STK25: variants seen among roughly 807,000 people sequenced by gnomAD.
STK25 encodes the protein serine/threonine-protein kinase 25.
In STK25, 29 loss-of-function variants were observed where a neutral mutation model predicts 53.8. The ratio of observed to expected loss-of-function variants is 0.54; its 90% CI spans 0.40 to 0.74. The LOEUF is 0.74. Ranked by LOEUF, STK25 falls within the 30% of genes least tolerant of loss-of-function variation. The pLI is 0.00. For synonymous variants in STK25, 247 were observed against 238.3 expected, an observed-to-expected ratio of 1.04 and a Z score of -0.33; for missense variants, 420 against 568.0, an observed-to-expected ratio of 0.74 and a Z score of 2.65.
chr2:241,506,878 C>T (rs377578824), intron 2 of STK25, among the ~76,000 whole-genome samples: 1 of 152,224 alleles, frequency 6.6e-6, no homozygotes, highest in Non-Finnish European at 1.5e-5. Context: ...AATCTGTTAG[C>T]TTAATTCAGC....
Position 241,495,711 on chromosome 2 carries a change from GAA to G in STK25, c.1242-12_1242-11del. The G allele has an allele frequency of 1.9e-6, 3 of 1,614,024 alleles. No homozygotes were observed. Among genetic ancestry groups the G allele is most frequent in the Non-Finnish European group, 2.5e-6 (3 of 1,179,892 alleles). ...TCTGTTGTGTGAAAACCTGCAGAGA[GAA>G]GAGCCCACTGCTGCGTGCGTGCACC... On this transcript the variant is annotated splice_polypyrimidine_tract_variant and intron_variant, in intron 11 of 11. Transcript: ENST00000316586.
chr2:241,501,407 C>T lies in STK25; in HGVS notation c.261+71G>A, dbSNP rs768211804. On this transcript the variant is annotated intron_variant, in intron 3 of 11. Coordinates refer to ENST00000316586, the MANE Select transcript of STK25 (RefSeq NM_001271977.2). The surrounding 1 kb of genome is among the most constrained non-coding windows in gnomAD (Gnocchi z 5.3). Reference sequence around the variant, plus strand: ...CCGCCTTGCACCCTCTGGCATGTCACTCAGTCCCTCTGACATGGAAGAGAG... The same window carrying T: ...CCGCCTTGCACCCTCTGGCATGTCATTCAGTCCCTCTGACATGGAAGAGAG... 3.4e-6 allele frequency: 5 copies of T among 1,462,988 alleles called. No homozygotes were observed. Among genetic ancestry groups the T allele is most frequent in the East Asian group, 2.4e-5 (1 of 42,136 alleles). The allele number at this position is 1,462,988 out of a possible 1,614,324, so 90.6% of individuals were successfully genotyped here.
intron 2 of STK25, chr2:241,504,020 C>T (rs978855198): frequency 4.2e-6 from 2 of 471,082 alleles, no homozygotes; most frequent in South Asian, 1.5e-5. Flanking sequence ...GTGGAAGGGG[C>T]GGCACACAGG....
At chr2:241,508,337 TCCCGGTGCCCCCGC>T (rs1456117140) in intron 1 of STK25, 92 bp downstream of exon 1, 14 of 1,169,024 alleles carry the variant, frequency 1.2e-5, no homozygotes, top group South Asian at 5.9e-5. Context: ...GGCAGCTTCC[TCCCGGTGCCCCCGC>T]CCCGGTGTCC....
chr2:241,501,155 C>G lies in STK25; in HGVS notation c.261+323G>C, dbSNP rs1002855678. 1.8e-6 allele frequency: 1 copy of G among 547,974 alleles called. No homozygotes were observed. The highest frequency in any genetic ancestry group is 3.3e-6 in the Non-Finnish European group (1 of 303,442). The allele number at this position is 547,974 out of a possible 1,614,324, so 33.9% of individuals were successfully genotyped here. A position where few individuals can be genotyped will look rare whatever the true frequency, so the allele number is the denominator to read the frequency against. ...CCTGGGCAGGATGGCCACAGCGTTC[C>G]CTACACCCCAGACACTGGCACCACC... On this transcript the variant is annotated intron_variant, in intron 3 of 11. Transcript: ENST00000316586. The surrounding 1 kb of genome is among the most constrained non-coding windows in gnomAD (Gnocchi z 5.3).
Position 241,500,017 on chromosome 2 carries a change from G to C in STK25, c.427+156C>G, listed in dbSNP as rs769805158. ...TTACAAGTAGTATCTTCTGGAAAGGGAGCGAGACAGGACTGCTCAGTTTCA... is the reference window on the plus strand; with the variant it reads ...TTACAAGTAGTATCTTCTGGAAAGGCAGCGAGACAGGACTGCTCAGTTTCA... On this transcript the variant is annotated intron_variant, in intron 5 of 11. Coordinates refer to ENST00000316586, the MANE Select transcript of STK25 (RefSeq NM_001271977.2). 3 of 711,164 alleles carry C rather than the reference G, an allele frequency of 4.2e-6. No homozygotes were observed. The South Asian group carries it at 4.5e-5, about 11-fold the overall frequency. 44.1% of individuals were successfully genotyped at this position (711,164 alleles called of 1,614,324 possible). A position where few individuals can be genotyped will look rare whatever the true frequency, so the allele number is the denominator to read the frequency against.
intron 9 of STK25, 82 bp downstream of exon 9, chr2:241,498,153 G>GT (rs1273875659): frequency 7.7e-7 from 1 of 1,307,102 alleles, no homozygotes; most frequent in Non-Finnish European, 1.1e-6. Flanking sequence ...CAGACACTGG[G>GT]TGGACAAAGC....
In STK25 at chr2:241,501,396, C is replaced by G; in HGVS notation, c.261+82G>C. ...AACCGTCAAGACCGCCTTGCACCCT[C>G]TGGCATGTCACTCAGTCCCTCTGAC... On this transcript the variant is annotated intron_variant, in intron 3 of 11. Coordinates refer to ENST00000316586, the MANE Select transcript of STK25 (RefSeq NM_001271977.2). The surrounding 1 kb of genome is among the most constrained non-coding windows in gnomAD (Gnocchi z 5.3). The G allele has an allele frequency of 7.1e-7, 1 of 1,412,008 alleles. No individual in the cohort carries two copies. Among genetic ancestry groups the G allele is most frequent in the Non-Finnish European group, 9.9e-7 (1 of 1,014,930 alleles). The allele number at this position is 1,412,008 out of a possible 1,614,324, so 87.5% of individuals were successfully genotyped here.
In STK25 at chr2:241,496,481, C is replaced by T; in HGVS notation, c.1158G>A (p.Leu386=). 6.2e-7 allele frequency: 1 copy of T among 1,613,576 alleles called. No homozygotes were observed. Among genetic ancestry groups the T allele is most frequent in the Non-Finnish European group, 8.5e-7 (1 of 1,179,932 alleles). Residue 386 remains leucine, a synonymous_variant, in exon 11 of 12, where the codon CTG becomes CTA. Transcript: ENST00000316586. The surrounding 1 kb of genome is among the most constrained non-coding windows in gnomAD (Gnocchi z 5.8). ...SGGSVGALEE[L]ENAFSLAEES... is the part of the protein sequence containing the mutation. ...CCTCGGCCAGGCTGAAGGCGTTCTC[C>T]AGCTCCTCCAGCGCACCCACGCTCC...
chr2:241,498,903 G>A, intron 7 of STK25, 86 bp downstream of exon 7: 1 of 1,608,536 alleles, frequency 6.2e-7, no homozygotes, highest in Non-Finnish European at 8.5e-7. Flanking sequence ...GGTGGGCCTG[G>A]GCCTCCGGGC....
rs902672520 is a variant in STK25, at chr2:241,496,655, G to A, written c.1105-121C>T. ...GGGCTCTCGCCTAGGAGCCACACCC[G>A]GGAGCCCTTCAGCAAGCCGGGAAGT... On this transcript the variant is annotated intron_variant, in intron 10 of 11. Coordinates refer to ENST00000316586, the MANE Select transcript of STK25 (RefSeq NM_001271977.2). The surrounding 1 kb of genome is among the most constrained non-coding windows in gnomAD (Gnocchi z 5.8). 1.8e-5 allele frequency: 21 copies of A among 1,172,360 alleles called. No homozygotes were observed. The highest frequency in any genetic ancestry group is 9.2e-5 in the African/African-American group (6 of 65,008). 72.6% of individuals were successfully genotyped at this position (1,172,360 alleles called of 1,614,324 possible).
In STK25 at chr2:241,508,513, T is replaced by C; in HGVS notation, c.-171A>G. 2.0e-6 allele frequency: 2 copies of C among 1,012,206 alleles called. No homozygotes were observed. Among genetic ancestry groups the C allele is most frequent in the South Asian group, 6.9e-5 (2 of 29,092 alleles). 62.7% of individuals were successfully genotyped at this position (1,012,206 alleles called of 1,614,324 possible). A position where few individuals can be genotyped will look rare whatever the true frequency, so the allele number is the denominator to read the frequency against. On this transcript the variant is annotated 5_prime_UTR_variant, in exon 1 of 12. Coordinates refer to ENST00000316586, the MANE Select transcript of STK25 (RefSeq NM_001271977.2). The stretch of plus-strand genomic sequence containing the variant: ...CCCGCGAAGGCTCCCACCCGCAGCC[T>C]CTGTTCGCCCGGGGACCCCGGGCCT...
intron 8 of STK25, 137 bp from the exon 9 acceptor site, chr2:241,498,486 C>T: frequency 8.0e-7 from 1 of 1,243,488 alleles, no homozygotes; most frequent in African/African-American, 1.5e-5. Flanking sequence ...CAGCTGATGC[C>T]TCAGCAGGCC....
chr2:241,495,518 G>GACCTGGC lies in STK25; in HGVS notation c.*137_*143dup. ...GGGTGGAAGGAGACGGTGACCTGGTGACCTGGCATGTGAGGCCCACGGGAT... is the reference window on the plus strand; with the variant it reads ...GGGTGGAAGGAGACGGTGACCTGGTGACCTGGCACCTGGCATGTGAGGCCCACGGGAT... On this transcript the variant is annotated 3_prime_UTR_variant, in exon 12 of 12. Coordinates refer to ENST00000316586, the MANE Select transcript of STK25 (RefSeq NM_001271977.2). 1 of 793,220 alleles carries GACCTGGC rather than the reference G, an allele frequency of 1.3e-6. No homozygotes were observed. The highest frequency in any genetic ancestry group is 2.5e-5 in the East Asian group (1 of 40,016). 49.1% of individuals were successfully genotyped at this position (793,220 alleles called of 1,614,324 possible). A position where few individuals can be genotyped will look rare whatever the true frequency, so the allele number is the denominator to read the frequency against.
intron 2 of STK25, among the ~76,000 whole-genome samples, chr2:241,502,622 C>T (rs1036886737): frequency 1.3e-5 from 2 of 151,960 alleles, no homozygotes; most frequent in African/African-American, 2.4e-5. Flanking sequence ...GCCTGTGATC[C>T]GAGCTACTTG....
chr2:241,500,627 A>T, intron 4 of STK25, 113 bp downstream of exon 4: 1 of 1,112,208 alleles, frequency 9.0e-7, no homozygotes, highest in Non-Finnish European at 1.3e-6. Flanking sequence ...ATTCCTAATT[A>T]ACACCTAACG....
In STK25 at chr2:241,501,428, G is replaced by T. The variant is rs377627531; in HGVS notation, c.261+50C>A. 1.5e-5 allele frequency: 23 copies of T among 1,565,558 alleles called. No individual in the cohort carries two copies. The highest frequency in any genetic ancestry group is 2.0e-5 in the Non-Finnish European group (23 of 1,143,064). ...GTCACTCAGTCCCTCTGACATGGAA[G>T]AGAGCCGGGCACAGCACCAGCAGGG... is the stretch of plus-strand genomic sequence containing the variant. On this transcript the variant is annotated intron_variant, in intron 3 of 11. Transcript: ENST00000316586. The surrounding 1 kb of genome is among the most constrained non-coding windows in gnomAD (Gnocchi z 5.3).
chr2:241,498,192 C>T (rs2124957762), intron 9 of STK25, 43 bp downstream of exon 9: 3 of 1,567,782 alleles, frequency 1.9e-6, no homozygotes, highest in Non-Finnish European at 2.6e-6. Context: ...CATCCCACGG[C>T]CCCAGGGGTG....
At chr2:241,503,846 C>T (rs925164642) in intron 2 of STK25, among the ~76,000 whole-genome samples, 62 of 152,118 alleles carry the variant, frequency 4.1e-4, no homozygotes, top group Non-Finnish European at 1.3e-4. Flanking sequence ...ACACCACACA[C>T]AGCCCTCACA....
Sources: gnomAD v4.1 joint callset for allele counts (sites outside exome capture counted in the v4.1 genomes callset) on GRCh38, gnomAD v4.1.1 for gene constraint, Gnocchi (gnomAD v3.1) non-coding constraint, MANE v1.5 for transcripts, NCBI Gene and HGNC (gene_info 2026-07-23, HGNC 2026-07-21) for gene names.